Variants in KCNJ6 observed in about 807,000 individuals in gnomAD.
KCNJ6 encodes the protein G protein-activated inward rectifier potassium channel 2.
Under a neutral mutation model 34.2 loss-of-function variants are expected in KCNJ6, and 9 were observed. That is an observed-to-expected ratio of 0.26 (90% CI 0.16 to 0.46). The LOEUF (loss-of-function observed/expected upper bound fraction) is 0.46. KCNJ6 is among the 20% of genes least tolerant of loss of function. The pLI is 1.00. For missense variants in KCNJ6, 236 were observed against 531.3 expected, an observed-to-expected ratio of 0.44 and a Z score of 5.46; for synonymous variants, 196 against 207.1, an observed-to-expected ratio of 0.95 and a Z score of 0.46.
rs1282472117 is a variant in KCNJ6, at chr21:37,714,113, A to G, written c.946+98T>C. 4.7e-6 allele frequency: 4 copies of G among 843,586 alleles called. No individual in the cohort carries two copies. The highest frequency in any genetic ancestry group is 1.6e-5 in the South Asian group (1 of 61,522). The allele number at this position is 843,586 out of a possible 1,614,324, so 52.3% of individuals were successfully genotyped here. A position where few individuals can be genotyped will look rare whatever the true frequency, so the allele number is the denominator to read the frequency against. ...AAGGGGATGTTGTCAATATTGAGTG[A>G]GGTTCAGTATTCTAGATCTTGTAAT... On this transcript the variant is annotated intron_variant, in intron 3 of 3. Coordinates refer to ENST00000609713, the MANE Select transcript of KCNJ6 (RefSeq NM_002240.5). This position sits in a 1 kb window ranked among gnomAD's most constrained non-coding sequence, Gnocchi z 5.9.
At position 37,729,804 on chromosome 21, in the gene KCNJ6, C is replaced by T. The variant is rs963048899; in HGVS notation, c.26-14673G>A. Among the ~76,000 whole-genome samples the T allele has an allele frequency of 3.3e-5, 5 of 152,338 alleles. 1 individual carries two copies. The highest frequency in any genetic ancestry group is 6.8e-3 in the Middle Eastern group (2 of 294). On this transcript the variant is annotated intron_variant, in intron 2 of 3. Transcript: ENST00000609713. Reference sequence around the variant, plus strand: ...TGCTTCCCCTGCCAAGACACATGCCCGTTCATAGGGCTGAGTCCACCCAGA... The same window carrying T: ...TGCTTCCCCTGCCAAGACACATGCCTGTTCATAGGGCTGAGTCCACCCAGA...
chr21:37,844,128 C>T lies in KCNJ6; in HGVS notation c.-27-3419G>A, dbSNP rs188553533. 2.3e-3 allele frequency among the ~76,000 whole-genome samples: 347 copies of T among 151,062 alleles called. 3 individuals carry two copies. Among genetic ancestry groups the T allele is most frequent in the African/African-American group, 8.1e-3 (332 of 41,158 alleles). On this transcript the variant is annotated intron_variant, in intron 1 of 3. Coordinates refer to ENST00000609713, the MANE Select transcript of KCNJ6 (RefSeq NM_002240.5). ...GGCTGGAGTACAGTGGCATGATCTC[C>T]GCTCACTACAACCTCCGCCTCCCGG...
In KCNJ6 at chr21:37,906,771, G is replaced by A. The variant is rs376504547; in HGVS notation, c.-28+9113C>T. ...ATTAAAAAAGAGGGCCACCTAATGC[G>A]GCCTCTCTTCCAATGACAACACATA... On this transcript the variant is annotated intron_variant, in intron 1 of 3. Coordinates refer to ENST00000609713, the MANE Select transcript of KCNJ6 (RefSeq NM_002240.5). Among the ~76,000 whole-genome samples the A allele has an allele frequency of 2.6e-4, 40 of 152,260 alleles. No individual in the cohort carries two copies. In the South Asian group the frequency reaches 5.8e-3, roughly 22 times the overall value.
At chr21:37,829,954 G>C (rs1240718531) in intron 2 of KCNJ6, among the ~76,000 whole-genome samples, 1 of 152,232 alleles carries the variant, frequency 6.6e-6, no homozygotes, top group African/African-American at 2.4e-5. Flanking sequence ...GTTGTGGAAA[G>C]AATGACACTC....
chr21:37,722,888 T>C (rs1303126122), intron 2 of KCNJ6, among the ~76,000 whole-genome samples: 1 of 152,212 alleles, frequency 6.6e-6, no homozygotes, highest in Non-Finnish European at 1.5e-5. Flanking sequence ...AAAGAATATA[T>C]GACTACGTCC....
chr21:37,788,646 G>A (rs370264020), intron 2 of KCNJ6, among the ~76,000 whole-genome samples: 7 of 152,324 alleles, frequency 4.6e-5, no homozygotes, highest in African/African-American at 1.7e-4. Flanking sequence ...AGGTGTGTCA[G>A]TTCTTTTCCT....
At chr21:37,674,919 G>A (rs960232533) in intron 3 of KCNJ6, among the ~76,000 whole-genome samples, 2 of 152,148 alleles carry the variant, frequency 1.3e-5, no homozygotes, top group African/African-American at 4.8e-5. Context: ...ATGAATGATT[G>A]AATGAAAGAA....
intron 2 of KCNJ6, among the ~76,000 whole-genome samples, chr21:37,783,755 G>A (rs1254564210): frequency 6.6e-6 from 1 of 152,202 alleles, no homozygotes; most frequent in Non-Finnish European, 1.5e-5. Flanking sequence ...TGTGTTTGGA[G>A]ATGGGGCCCC....
At chr21:37,779,473 C>T (rs919707604) in intron 2 of KCNJ6, among the ~76,000 whole-genome samples, 3 of 152,134 alleles carry the variant, frequency 2.0e-5, no homozygotes, top group African/African-American at 7.2e-5. Context: ...CCAATTATTA[C>T]CCCTAACCTG....
chr21:37,724,059 G>C (rs2054841254), intron 2 of KCNJ6, among the ~76,000 whole-genome samples: 1 of 152,198 alleles, frequency 6.6e-6, no homozygotes, highest in South Asian at 2.1e-4. Flanking sequence ...AAATGAAGGG[G>C]AATGGGAAAT....
At chr21:37,699,308 C>T (rs989571827) in intron 3 of KCNJ6, among the ~76,000 whole-genome samples, 2 of 152,186 alleles carry the variant, frequency 1.3e-5, no homozygotes, top group Non-Finnish European at 2.9e-5. Flanking sequence ...GCTTCGGCCC[C>T]CTTGCCTGTT....
chr21:37,689,664 G>A (rs1044507530), intron 3 of KCNJ6, among the ~76,000 whole-genome samples: 15 of 152,082 alleles, frequency 9.9e-5, no homozygotes, highest in African/African-American at 2.7e-4. Context: ...TTGGTGAGAA[G>A]AAACCAATTA....
chr21:37,826,911 T>C (rs923370226), intron 2 of KCNJ6, among the ~76,000 whole-genome samples: 1 of 152,162 alleles, frequency 6.6e-6, no homozygotes, highest in African/African-American at 2.4e-5. Context: ...TTTCACGTCT[T>C]ACTGAGAGTG....
At chr21:37,755,381 G>A (rs1359711883) in intron 2 of KCNJ6, among the ~76,000 whole-genome samples, 1 of 152,202 alleles carries the variant, frequency 6.6e-6, no homozygotes, top group Non-Finnish European at 1.5e-5. Flanking sequence ...GGGATAGAAG[G>A]CTCTTTCCTG....
chr21:37,773,740 C>T (rs1381757501), intron 2 of KCNJ6, among the ~76,000 whole-genome samples: 1 of 152,176 alleles, frequency 6.6e-6, no homozygotes, highest in Non-Finnish European at 1.5e-5. Context: ...GCTGACAGTA[C>T]TAAGAAATAT....
chr21:37,672,764 CTCTT>C (rs1601413311), intron 3 of KCNJ6, among the ~76,000 whole-genome samples: 1 of 151,904 alleles, frequency 6.6e-6, no homozygotes, highest in African/African-American at 2.4e-5. Flanking sequence ...CCCTTCCTTT[CTCTT>C]TCTTTCTTCT....
chr21:37,646,862 C>T (rs1483116326), intron 3 of KCNJ6, among the ~76,000 whole-genome samples: 1 of 151,944 alleles, frequency 6.6e-6, no homozygotes, highest in Admixed American at 6.6e-5. Flanking sequence ...TTAGTAGAGA[C>T]GGGGTTTCAC....
intron 3 of KCNJ6, among the ~76,000 whole-genome samples, chr21:37,631,852 T>C (rs1179668430): frequency 2.0e-5 from 3 of 152,188 alleles, no homozygotes; most frequent in Non-Finnish European, 4.4e-5. Context: ...GCCTTTGTCC[T>C]CAGCTGCTCT....
At chr21:37,685,705 A>AAAAAG (rs1339174806) in intron 3 of KCNJ6, among the ~76,000 whole-genome samples, 2 of 130,734 alleles carry the variant, frequency 1.5e-5, no homozygotes, top group Non-Finnish European at 3.2e-5. Flanking sequence ...AAAAAAAAAA[A>AAAAAG]AAATCTATCC....
Sources: gnomAD v4.1 joint callset for allele counts (sites outside exome capture counted in the v4.1 genomes callset) on GRCh38, gnomAD v4.1.1 for gene constraint, Gnocchi (gnomAD v3.1) non-coding constraint, MANE v1.5 for transcripts, NCBI Gene and HGNC (gene_info 2026-07-23, HGNC 2026-07-21) for gene names.